WDR20: variants seen among roughly 807,000 people sequenced by gnomAD.
The protein encoded by WDR20 is WD repeat domain 20.
A neutral mutation model predicts 38.7 loss-of-function variants in WDR20; 3 were observed. The observed-to-expected ratio is 0.08, with a 90% CI of 0.04 to 0.20. The LOEUF is 0.20. WDR20 is among the 10% of genes least tolerant of loss of function. The pLI, the probability that WDR20 is intolerant of heterozygous loss-of-function variation, is 1.00. For synonymous variants in WDR20, 298 were observed against 285.6 expected (o/e 1.04, Z -0.44); for missense variants, 559 against 727.7 (o/e 0.77, Z 2.67).
At chr14:102,168,867 G>A (rs1290262590) in intron 1 of WDR20, among the ~76,000 whole-genome samples, 1 of 152,150 alleles carries the variant, frequency 6.6e-6, no homozygotes, top group Non-Finnish European at 1.5e-5. Context: ...GATTATTACA[G>A]AGGTCTCCAA....
chr14:102,141,301 A>G (rs980966972), intron 1 of WDR20, among the ~76,000 whole-genome samples: 5 of 152,222 alleles, frequency 3.3e-5, no homozygotes, highest in African/African-American at 4.8e-5. Flanking sequence ...TCAGGATTTA[A>G]TATAGCCAGA....
chr14:102,143,990 AAT>A (rs2052556296), intron 1 of WDR20, among the ~76,000 whole-genome samples: 2 of 147,170 alleles, frequency 1.4e-5, no homozygotes, highest in Non-Finnish European at 3.0e-5. Flanking sequence ...CAGCCTGGAT[AAT>A]ATATCAATAC....
chr14:102,220,055 C>G lies in WDR20; in HGVS notation c.1693-2775C>G, dbSNP rs968523234. On this transcript the variant is annotated intron_variant, in intron 3 of 3. Transcript: ENST00000335263. The surrounding 1 kb of genome is among the most constrained non-coding windows in gnomAD (Gnocchi z 4.2). ...GGGAGAATAGGAAGCCTGCAGCCCT[C>G]GCGTTGGGTCGCTTTCTAGGGGTGC... 6.6e-6 allele frequency among the ~76,000 whole-genome samples: 1 copy of G among 152,246 alleles called. No homozygotes were observed. Among genetic ancestry groups the G allele is most frequent in the African/African-American group, 2.4e-5 (1 of 41,466 alleles).
At chr14:102,192,005 G>T (rs751289115) in intron 1 of WDR20, among the ~76,000 whole-genome samples, 1 of 152,064 alleles carries the variant, frequency 6.6e-6, no homozygotes, top group East Asian at 1.9e-4. Context: ...AAATTTGTCC[G>T]TTGCCATAAA....
intron 1 of WDR20, among the ~76,000 whole-genome samples, chr14:102,170,664 ATTAT>A (rs1409659064): frequency 6.6e-6 from 1 of 150,924 alleles, no homozygotes; most frequent in East Asian, 1.9e-4. Context: ...CTCTTTTATG[ATTAT>A]TTATTTTTAA....
intron 1 of WDR20, among the ~76,000 whole-genome samples, chr14:102,176,814 A>G (rs552540749): frequency 6.6e-6 from 1 of 152,004 alleles, no homozygotes; most frequent in East Asian, 1.9e-4. Flanking sequence ...GCTTATTGCA[A>G]GCTCCGCCTC....
upstream of WDR20, chr14:102,139,728 A>G (rs1375877678): frequency 1.2e-6 from 1 of 817,684 alleles, no homozygotes; most frequent in African/African-American, 1.7e-5. Context: ...GGAGCACGCC[A>G]GGTGAGCACG....
chr14:102,189,853 A>G (rs1007965724), intron 1 of WDR20, among the ~76,000 whole-genome samples: 1 of 152,240 alleles, frequency 6.6e-6, no homozygotes, highest in Non-Finnish European at 1.5e-5. Flanking sequence ...CTGAAATCAT[A>G]TAAGTGATTA....
At chr14:102,167,849 A>T (rs1387380408) in intron 1 of WDR20, among the ~76,000 whole-genome samples, 1 of 152,230 alleles carries the variant, frequency 6.6e-6, no homozygotes, top group African/African-American at 2.4e-5. Flanking sequence ...ATGCTAGCTC[A>T]GTGCCTTTGA....
chr14:102,150,997 C>T (rs1364088904), intron 1 of WDR20, among the ~76,000 whole-genome samples: 3 of 152,170 alleles, frequency 2.0e-5, no homozygotes, highest in African/African-American at 7.2e-5. Flanking sequence ...AAAGTGCCTA[C>T]AGTCTAGTGG....
Position 102,209,361 on chromosome 14 carries a change from A to C in WDR20, c.1191A>C (p.Ala397=). 1 of 1,614,192 alleles carries C rather than the reference A, an allele frequency of 6.2e-7. No homozygotes were observed. Among genetic ancestry groups the C allele is most frequent in the Non-Finnish European group, 8.5e-7 (1 of 1,180,044 alleles). ...TCCCTCACCAACCCCTCTCAAGAGCAAGGACACACACAAATGTCATGAATG... is the reference window on the plus strand; with the variant it reads ...TCCCTCACCAACCCCTCTCAAGAGCCAGGACACACACAAATGTCATGAATG... ...ILFPHQPLSR[A]RTHTNVMNAT... is the part of the protein sequence containing the mutation. The change falls in exon 3 of 3, where the codon GCA becomes GCC. Residue 397 remains alanine, a synonymous_variant. Transcript: ENST00000342702. The surrounding 1 kb of genome is among the most constrained non-coding windows in gnomAD (Gnocchi z 6.0).
intron 2 of WDR20, among the ~76,000 whole-genome samples, chr14:102,196,525 G>A (rs549944695): frequency 6.6e-6 from 1 of 152,278 alleles, no homozygotes; most frequent in South Asian, 2.1e-4. Flanking sequence ...AGGTAGGGGA[G>A]AGTGTGATTG....
At position 102,207,646 on chromosome 14, in the gene WDR20, G is replaced by T. The variant is rs1168236532; in HGVS notation, c.433-957G>T. On this transcript the variant is annotated intron_variant, in intron 2 of 2. Coordinates refer to ENST00000342702, the MANE Select transcript of WDR20 (RefSeq NM_144574.4). This position sits in a 1 kb window ranked among gnomAD's most constrained non-coding sequence, Gnocchi z 5.0. The stretch of plus-strand genomic sequence containing the variant: ...TGGGAGTCTTGGGACTTCTGGATGT[G>T]TTCTGGTGATGCGATTTTGCGCTCA... Among the ~76,000 whole-genome samples, 1 of 152,172 alleles carries T rather than the reference G, an allele frequency of 6.6e-6. No homozygotes were observed. Among genetic ancestry groups the T allele is most frequent in the African/African-American group, 2.4e-5 (1 of 41,446 alleles).
chr14:102,194,840 T>A, intron 1 of WDR20, 98 bp from the exon 2 acceptor site: 1 of 1,302,072 alleles, frequency 7.7e-7, no homozygotes, highest in Non-Finnish European at 1.1e-6. Context: ...CACTTTGTTT[T>A]TAAGATGAAA....
Position 102,222,760 on chromosome 14 carries a change from G to A in WDR20, c.1693-70G>A, listed in dbSNP as rs1385818258. The A allele has an allele frequency of 2.7e-5, 42 of 1,573,038 alleles. No homozygotes were observed. Among genetic ancestry groups the A allele is most frequent in the Non-Finnish European group, 3.4e-5 (39 of 1,143,884 alleles). On this transcript the variant is annotated intron_variant, in intron 3 of 3. Transcript: ENST00000335263. This position sits in a 1 kb window ranked among gnomAD's most constrained non-coding sequence, Gnocchi z 4.4. ...GTTTTGACCACGTGGAGCTGCTGGCGGAGGGCGCGCATGGTGGCTGTTGCC... is the reference window on the plus strand; with the variant it reads ...GTTTTGACCACGTGGAGCTGCTGGCAGAGGGCGCGCATGGTGGCTGTTGCC...
downstream of WDR20, chr14:102,214,307 A>C (rs1203656719): frequency 1.0e-6 from 1 of 985,278 alleles, no homozygotes; most frequent in Non-Finnish European, 1.2e-6. Flanking sequence ...GTGTTGCTTT[A>C]AGTTAACAAG....
chr14:102,219,503 G>A (rs981267789), downstream of WDR20, among the ~76,000 whole-genome samples: 7 of 152,258 alleles, frequency 4.6e-5, no homozygotes, highest in African/African-American at 1.7e-4. Flanking sequence ...ACTGTCTCCT[G>A]GGGCTTGCTG....
intron 1 of WDR20, among the ~76,000 whole-genome samples, chr14:102,165,416 C>T (rs1324043373): frequency 6.6e-6 from 1 of 151,862 alleles, no homozygotes; most frequent in Non-Finnish European, 1.5e-5. Flanking sequence ...ATCTTTATTT[C>T]CTTTCTTTAG....
intron 2 of WDR20, among the ~76,000 whole-genome samples, chr14:102,197,406 A>G (rs181130895): frequency 6.0e-4 from 92 of 152,314 alleles, no homozygotes; most frequent in Non-Finnish European, 8.1e-4. Flanking sequence ...TGCATTTTAA[A>G]GTTTTTTAAA....
Sources: allele counts gnomAD v4.1 joint callset (sites outside exome capture counted in the v4.1 genomes callset), GRCh38; gene constraint gnomAD v4.1.1; non-coding constraint Gnocchi (gnomAD v3.1); transcripts MANE v1.5; gene names NCBI Gene and HGNC (gene_info 2026-07-23, HGNC 2026-07-21).